SYNPR: variants seen among roughly 807,000 people sequenced by gnomAD.
SYNPR encodes the protein synaptoporin.
SYNPR carries 23 observed loss-of-function variants against 32.9 expected under a neutral mutation model. The observed-to-expected ratio is 0.70, with a 90% CI of 0.50 to 0.99. The LOEUF is 0.99. Among genes scored for constraint, SYNPR ranks in the 50% least tolerant of loss-of-function variants. The probability of loss-of-function intolerance (pLI) is 0.00; values close to 1 mark genes in which losing one functional copy is unlikely to be tolerated. For missense variants in SYNPR, 318 were observed against 349.3 expected, an observed-to-expected ratio of 0.91 and a Z score of 0.71; for synonymous variants, 146 against 135.9, an observed-to-expected ratio of 1.07 and a Z score of -0.52.
chr3:63,447,744 ATT>A lies in SYNPR; in HGVS notation c.85-33076_85-33075del, dbSNP rs34520499. On this transcript the variant is annotated intron_variant, in intron 2 of 5. Coordinates refer to ENST00000478300, the MANE Select transcript of SYNPR (RefSeq NM_001130003.2). Reference sequence around the variant, plus strand: ...TGCATAATTAATATATTTTACTGTGATTTTTTTTTTTTTAACACAAATTCTAG... The same window carrying A: ...TGCATAATTAATATATTTTACTGTGATTTTTTTTTTTAACACAAATTCTAG... 4.4e-4 allele frequency among the ~76,000 whole-genome samples: 64 copies of A among 146,840 alleles called. No homozygotes were observed. In the East Asian group the frequency reaches 5.2e-3, roughly 12 times the overall value.
chr3:63,391,186 C>G lies in SYNPR; in HGVS notation c.85-89646C>G, dbSNP rs140139925. Among the ~76,000 whole-genome samples the G allele has an allele frequency of 8.1e-4, 123 of 152,324 alleles. 1 individual carries two copies. The East Asian group carries it at 0.023, about 28-fold the overall frequency. On this transcript the variant is annotated intron_variant, in intron 2 of 5. Coordinates refer to ENST00000478300, the MANE Select transcript of SYNPR (RefSeq NM_001130003.2). ...TAGCCAGGCTTGAGAATGGAGCTATCTACCACTCATCCTTCCTGGTCCCTC... is the reference window on the plus strand; with the variant it reads ...TAGCCAGGCTTGAGAATGGAGCTATGTACCACTCATCCTTCCTGGTCCCTC...
At chr3:63,445,863 G>C (rs1700267965) in intron 2 of SYNPR, among the ~76,000 whole-genome samples, 1 of 152,148 alleles carries the variant, frequency 6.6e-6, no homozygotes, top group African/African-American at 2.4e-5. Flanking sequence ...GGGACCTATA[G>C]TTAAACATCC....
chr3:63,418,346 A>G (rs995992942), intron 2 of SYNPR, among the ~76,000 whole-genome samples: 1 of 152,120 alleles, frequency 6.6e-6, no homozygotes, highest in African/African-American at 2.4e-5. Flanking sequence ...ATTTGGTCAA[A>G]GCCATTCAAC....
intron 4 of SYNPR, among the ~76,000 whole-genome samples, chr3:63,565,261 G>A (rs1052115016): frequency 6.6e-6 from 1 of 152,134 alleles, no homozygotes; most frequent in African/African-American, 2.4e-5. Flanking sequence ...CCCTGCCGCT[G>A]TCTTAAGTTT....
chr3:63,363,511 G>A (rs1313236679), intron 2 of SYNPR, among the ~76,000 whole-genome samples: 1 of 152,190 alleles, frequency 6.6e-6, no homozygotes, highest in East Asian at 1.9e-4. Context: ...TTTAGAACAA[G>A]AGGAAATGTA....
At chr3:63,428,101 G>T (rs970577009) in intron 2 of SYNPR, among the ~76,000 whole-genome samples, 3 of 152,118 alleles carry the variant, frequency 2.0e-5, no homozygotes, top group African/African-American at 7.2e-5. Flanking sequence ...GAATTGCAGC[G>T]TTGTTTACAT....
intron 2 of SYNPR, among the ~76,000 whole-genome samples, chr3:63,334,933 A>G (rs562580201): frequency 6.6e-6 from 1 of 152,338 alleles, no homozygotes; most frequent in South Asian, 2.1e-4. Flanking sequence ...CAGAATAGGA[A>G]TGAGCCCCTC....
intron 3 of SYNPR, among the ~76,000 whole-genome samples, chr3:63,534,311 A>C (rs964875095): frequency 6.6e-6 from 1 of 152,184 alleles, no homozygotes; most frequent in African/African-American, 2.4e-5. Flanking sequence ...GTGCTTTCTC[A>C]TGTGGGTACA....
At position 63,393,277 on chromosome 3, in the gene SYNPR, T is replaced by C. The variant is rs146327478; in HGVS notation, c.85-87555T>C. ...AAGGCTTAAAAAACAGTCTCATACA[T>C]GTCTCATTGTGCATGTATGTGAGGG... On this transcript the variant is annotated intron_variant, in intron 2 of 5. Coordinates refer to ENST00000478300, the MANE Select transcript of SYNPR (RefSeq NM_001130003.2). 3.4e-3 allele frequency among the ~76,000 whole-genome samples: 518 copies of C among 152,256 alleles called. 4 individuals carry two copies. The highest frequency in any genetic ancestry group is 0.012 in the African/African-American group (504 of 41,558).
chr3:63,293,349 G>GT (rs2086760653), intron 2 of SYNPR, among the ~76,000 whole-genome samples: 1 of 152,082 alleles, frequency 6.6e-6, no homozygotes, highest in African/African-American at 2.4e-5. Context: ...ATGTAGAGCC[G>GT]TTTTATGCAT....
At chr3:63,273,267 G>A (rs1396700369) in intron 3 of SYNPR, among the ~76,000 whole-genome samples, 3 of 152,046 alleles carry the variant, frequency 2.0e-5, no homozygotes, top group Non-Finnish European at 2.9e-5. Context: ...GGAAAGTTAC[G>A]GGAGTAGGAG....
chr3:63,443,813 T>C (rs2107163945), intron 2 of SYNPR, among the ~76,000 whole-genome samples: 1 of 152,318 alleles, frequency 6.6e-6, no homozygotes, highest in African/African-American at 2.4e-5. Flanking sequence ...ATATCCTAAA[T>C]ACATTCATTG....
intron 2 of SYNPR, among the ~76,000 whole-genome samples, chr3:63,304,632 T>G (rs900076947): frequency 6.6e-6 from 1 of 151,970 alleles, no homozygotes; most frequent in East Asian, 1.9e-4. Context: ...GAATGACTCA[T>G]GCAGAATACT....
intron 2 of SYNPR, among the ~76,000 whole-genome samples, chr3:63,320,056 T>C (rs758374810): frequency 5.3e-5 from 8 of 151,948 alleles, no homozygotes; most frequent in Non-Finnish European, 1.2e-4. Flanking sequence ...CTCAAGCAGT[T>C]CTCCTGCCTC....
chr3:63,603,475 TG>T (rs1357747073), intron 4 of SYNPR, among the ~76,000 whole-genome samples: 7 of 152,310 alleles, frequency 4.6e-5, no homozygotes, highest in Admixed American at 4.6e-4. Flanking sequence ...ATGTTGGCTG[TG>T]GGTTTGTCAT....
chr3:63,443,645 C>A (rs1286048333), intron 2 of SYNPR, among the ~76,000 whole-genome samples: 1 of 152,122 alleles, frequency 6.6e-6, no homozygotes, highest in Non-Finnish European at 1.5e-5. Context: ...TATGTTTAAA[C>A]CAAAGAGGCT....
chr3:63,340,223 T>A (rs2087347162), intron 2 of SYNPR, among the ~76,000 whole-genome samples: 2 of 152,146 alleles, frequency 1.3e-5, no homozygotes, highest in African/African-American at 2.4e-5. Context: ...TTGAAGAATA[T>A]CTATGCTGTT....
intron 2 of SYNPR, among the ~76,000 whole-genome samples, chr3:63,444,549 C>T (rs566536618): frequency 6.6e-6 from 1 of 152,250 alleles, no homozygotes; most frequent in East Asian, 1.9e-4. Flanking sequence ...AAGACGAGGT[C>T]TGACTATACA....
intron 2 of SYNPR, among the ~76,000 whole-genome samples, chr3:63,399,826 ACC>A (rs1288906744): frequency 3.9e-5 from 6 of 152,200 alleles, no homozygotes; most frequent in Non-Finnish European, 7.3e-5. Context: ...TTTGTATTGA[ACC>A]ACGTAACTTT....
Sources: gnomAD v4.1 joint callset for allele counts (sites outside exome capture counted in the v4.1 genomes callset) on GRCh38, gnomAD v4.1.1 for gene constraint, MANE v1.5 for transcripts, NCBI Gene and HGNC (gene_info 2026-07-23, HGNC 2026-07-21) for gene names.